FAM222B: variants seen among roughly 807,000 people sequenced by gnomAD.
FAM222B encodes the protein protein FAM222B.
In FAM222B, 12 loss-of-function variants were observed where a neutral mutation model predicts 38.0. The observed-to-expected ratio is 0.32, with a 90% CI of 0.20 to 0.51. The LOEUF (loss-of-function observed/expected upper bound fraction) is 0.51, where lower values mean the gene tolerates loss of function less well. Among genes scored for constraint, FAM222B ranks in the 20% least tolerant of loss-of-function variants. The pLI is 0.97. For synonymous variants in FAM222B, 329 were observed against 317.2 expected, an observed-to-expected ratio of 1.04 and a Z score of -0.40; for missense variants, 716 against 754.2, an observed-to-expected ratio of 0.95 and a Z score of 0.59.
chr17:28,814,258 G>A (rs997411304), intron 1 of FAM222B, among the ~76,000 whole-genome samples: 1 of 151,694 alleles, frequency 6.6e-6, no homozygotes, highest in Non-Finnish European at 1.5e-5. Flanking sequence ...TTTATTCAGC[G>A]TTCTTGCAAG....
chr17:28,765,479 A>C (rs563929364), intron 2 of FAM222B, among the ~76,000 whole-genome samples: 1 of 152,210 alleles, frequency 6.6e-6, no homozygotes, highest in Non-Finnish European at 1.5e-5. Context: ...AACCCCTGTC[A>C]TAAGGGGTTC....
At chr17:28,794,527 T>A (rs1428134513) in intron 1 of FAM222B, among the ~76,000 whole-genome samples, 4 of 152,090 alleles carry the variant, frequency 2.6e-5, no homozygotes, top group Non-Finnish European at 5.9e-5. Flanking sequence ...GCCTGTCTTT[T>A]GCATTTTAAA....
chr17:28,795,135 A>G (rs4349196), intron 1 of FAM222B, among the ~76,000 whole-genome samples: 63,897 of 151,352 alleles, frequency 0.42, 16,366 homozygotes, highest in East Asian at 0.59. Context: ...AGCAAAAGAG[A>G]CGTGTCCTCA....
Position 28,842,747 on chromosome 17 carries a change from C to G in FAM222B, c.-106G>C, listed in dbSNP as rs1205431949. 3 of 151,000 alleles carry G rather than the reference C, an allele frequency of 2.0e-5. No individual in the cohort carries two copies. The highest frequency in any genetic ancestry group is 7.5e-5 in the African/African-American group (3 of 40,006). The allele number at this position is 151,000 out of a possible 1,614,324, so 9.4% of individuals were successfully genotyped here. On this transcript the variant is annotated 5_prime_UTR_variant, in exon 1 of 3. Coordinates refer to ENST00000581407, the MANE Select transcript of FAM222B (RefSeq NM_001077498.3). ...CGCCCGCCGCCCGCCGCCACCACTT[C>G]TCCACTGCCCGGCCCCTCAGTCACC...
At chr17:28,770,233 CACTT>C (rs1387446234) in intron 1 of FAM222B, among the ~76,000 whole-genome samples, 16 of 152,332 alleles carry the variant, frequency 1.1e-4, no homozygotes, top group East Asian at 1.9e-4. Context: ...CATCTACTAA[CACTT>C]ACGAGGCTCT....
intron 1 of FAM222B, among the ~76,000 whole-genome samples, chr17:28,795,585 A>G (rs987885933): frequency 6.6e-6 from 1 of 152,048 alleles, no homozygotes; most frequent in Non-Finnish European, 1.5e-5. Context: ...GTGCCACCAC[A>G]CCCAGCTAAT....
At chr17:28,830,668 G>A (rs1403743205) in intron 1 of FAM222B, among the ~76,000 whole-genome samples, 2 of 151,664 alleles carry the variant, frequency 1.3e-5, no homozygotes, top group Admixed American at 6.6e-5. Context: ...ATGTAATAAG[G>A]ATTTTCTCTT....
chr17:28,854,726 T>C (rs2039214029), intron 1 of FAM222B, among the ~76,000 whole-genome samples: 1 of 152,142 alleles, frequency 6.6e-6, no homozygotes, highest in South Asian at 2.1e-4. Context: ...CTATTTGGCC[T>C]CATGGGAAAT....
intron 1 of FAM222B, among the ~76,000 whole-genome samples, chr17:28,786,732 T>C (rs956807666): frequency 6.6e-5 from 10 of 152,132 alleles, no homozygotes; most frequent in African/African-American, 1.4e-4. Flanking sequence ...TACTTGGCCA[T>C]GTACCCACTA....
chr17:28,784,924 T>C (rs1354658139), intron 1 of FAM222B, among the ~76,000 whole-genome samples: 2 of 152,008 alleles, frequency 1.3e-5, no homozygotes, highest in African/African-American at 4.8e-5. Context: ...CTATTTTTTT[T>C]TTTTTCCTTT....
chr17:28,780,518 CTACCAAAAAAA>C (rs1055723865), intron 1 of FAM222B, among the ~76,000 whole-genome samples: 8 of 151,310 alleles, frequency 5.3e-5, no homozygotes, highest in African/African-American at 1.9e-4. Context: ...CTCACAATAA[CTACCAAAAAAA>C]AAAGGCTTGG....
intron 1 of FAM222B, among the ~76,000 whole-genome samples, chr17:28,785,300 T>C (rs2036354838): frequency 6.6e-6 from 1 of 152,290 alleles, no homozygotes; most frequent in East Asian, 1.9e-4. Flanking sequence ...CACAAAATAA[T>C]AGTAAGCATA....
At chr17:28,801,398 G>T (rs1432111366) in intron 1 of FAM222B, among the ~76,000 whole-genome samples, 2 of 148,082 alleles carry the variant, frequency 1.4e-5, no homozygotes, top group Admixed American at 1.4e-4. Flanking sequence ...AGGCTGCAGT[G>T]AGCCAAGATC....
rs1224492608 is a variant in FAM222B at position 28,758,090 on chromosome 17, T to C, written c.*180A>G. On this transcript the variant is annotated 3_prime_UTR_variant, in exon 3 of 3. Transcript: ENST00000581407. ...GTTCTAACATAAAACCAAAAGTTGC[T>C]GGAGGGGAGGACGAGAGGACCCCTT... The C allele has an allele frequency of 9.0e-6, 5 of 554,206 alleles. No individual in the cohort carries two copies. Among genetic ancestry groups the C allele is most frequent in the Non-Finnish European group, 1.5e-5 (5 of 326,138 alleles). The allele number at this position is 554,206 out of a possible 1,614,324, so 34.3% of individuals were successfully genotyped here.
At chr17:28,850,986 G>T (rs2039176857) in intron 1 of FAM222B, among the ~76,000 whole-genome samples, 1 of 151,766 alleles carries the variant, frequency 6.6e-6, no homozygotes, top group South Asian at 2.1e-4. Context: ...GGGCTTGGTG[G>T]GGTGCGCCTG....
At chr17:28,766,749 C>G in intron 1 of FAM222B, 42 bp from the exon 2 acceptor site, 1 of 1,156,124 alleles carries the variant, frequency 8.6e-7, no homozygotes, top group East Asian at 2.6e-5. Flanking sequence ...CAAGGCAACT[C>G]ATTCGAAGAA....
intron 1 of FAM222B, among the ~76,000 whole-genome samples, chr17:28,810,752 ATCT>A (rs2037721714): frequency 6.6e-6 from 1 of 152,234 alleles, no homozygotes; most frequent in Non-Finnish European, 1.5e-5. Context: ...GGTATTTGAA[ATCT>A]TCTTTTTAAA....
At chr17:28,827,488 T>C (rs1445505615) in intron 1 of FAM222B, among the ~76,000 whole-genome samples, 1 of 152,214 alleles carries the variant, frequency 6.6e-6, no homozygotes, top group Non-Finnish European at 1.5e-5. Context: ...TAGAATGAGA[T>C]GCTGTCATTT....
At chr17:28,825,705 A>C (rs2038416932) in intron 1 of FAM222B, among the ~76,000 whole-genome samples, 1 of 152,150 alleles carries the variant, frequency 6.6e-6, no homozygotes, top group African/African-American at 2.4e-5. Flanking sequence ...TCCCAATATA[A>C]AGTAGCTATC....
Sources: gnomAD v4.1 joint callset for allele counts (sites outside exome capture counted in the v4.1 genomes callset) on GRCh38, gnomAD v4.1.1 for gene constraint, MANE v1.5 for transcripts, NCBI Gene and HGNC (gene_info 2026-07-23, HGNC 2026-07-21) for gene names.